EXOC4: variants seen among roughly 807,000 people sequenced by gnomAD.
EXOC4 encodes SEC8-like 1.
EXOC4 carries 71 observed loss-of-function variants against 107.2 expected under a neutral mutation model. That is an observed-to-expected ratio of 0.66 (90% CI 0.55 to 0.81). The LOEUF (loss-of-function observed/expected upper bound fraction) is 0.81. EXOC4 is among the 30% of genes least tolerant of loss of function. The pLI is 0.00. For synonymous variants in EXOC4, 456 were observed against 441.2 expected (o/e 1.03, Z -0.42); for missense variants, 1,108 against 1,189.6 (o/e 0.93, Z 1.01).
chr7:133,982,954 G>T (rs138404947), intron 14 of EXOC4, among the ~76,000 whole-genome samples: 10 of 152,270 alleles, frequency 6.6e-5, no homozygotes, highest in Non-Finnish European at 1.5e-4. Context: ...GTCTGTTCTT[G>T]CACTACTATA....
Position 134,004,907 on chromosome 7 carries a change from T to C in EXOC4, c.2349-5T>C, listed in dbSNP as rs763768596. On this transcript the variant is annotated splice_polypyrimidine_tract_variant and splice_region_variant and intron_variant, in intron 15 of 17. Transcript: ENST00000253861. The stretch of plus-strand genomic sequence containing the variant: ...AACTGCTCTCCCTATCTCTCTCTTT[T>C]TCAGGGTTCACTGTTTCCACTATCT... 3 of 1,609,628 alleles carry C rather than the reference T, an allele frequency of 1.9e-6. No individual in the cohort carries two copies. In the African/African-American group the frequency reaches 4.0e-5, roughly 22 times the overall value.
At chr7:133,731,971 G>T (rs778371638) in intron 10 of EXOC4, among the ~76,000 whole-genome samples, 1 of 152,120 alleles carries the variant, frequency 6.6e-6, no homozygotes, top group African/African-American at 2.4e-5. Context: ...AAATCATTCT[G>T]TTATAAAGAT....
At chr7:133,654,355 C>T (rs1252272303) in intron 10 of EXOC4, among the ~76,000 whole-genome samples, 1 of 152,082 alleles carries the variant, frequency 6.6e-6, no homozygotes, top group East Asian at 1.9e-4. Context: ...TCAGTTCCTT[C>T]ATCTGTAAAA....
At chr7:133,262,518 TTTTA>T (rs1309028412) in intron 1 of EXOC4, among the ~76,000 whole-genome samples, 1 of 152,210 alleles carries the variant, frequency 6.6e-6, no homozygotes, top group Admixed American at 6.5e-5. Flanking sequence ...CTTTTCTGAC[TTTTA>T]TTTATTCTTT....
chr7:133,506,336 T>C (rs1446031982), intron 9 of EXOC4, among the ~76,000 whole-genome samples: 1 of 151,924 alleles, frequency 6.6e-6, no homozygotes, highest in African/African-American at 2.4e-5. Context: ...CTAGGAAGCA[T>C]CTTCTGAGTT....
chr7:133,959,943 C>A (rs1488566694), intron 14 of EXOC4, among the ~76,000 whole-genome samples: 1 of 152,132 alleles, frequency 6.6e-6, no homozygotes, highest in African/African-American at 2.4e-5. Flanking sequence ...TCCATGCAGT[C>A]TTCCATAGAA....
chr7:133,647,797 A>C (rs1224940421), intron 10 of EXOC4, among the ~76,000 whole-genome samples: 1 of 152,166 alleles, frequency 6.6e-6, no homozygotes, highest in Non-Finnish European at 1.5e-5. Flanking sequence ...ACTCTGGATT[A>C]TCAAACAGCC....
At position 133,809,680 on chromosome 7, in the gene EXOC4, T is replaced by C. The variant is rs183191072; in HGVS notation, c.1515-7645T>C. On this transcript the variant is annotated intron_variant, in intron 10 of 17. Coordinates refer to ENST00000253861, the MANE Select transcript of EXOC4 (RefSeq NM_021807.4). ...TTCCAAGACCTCCCAAATATCTATA[T>C]TAATGTGTACGTTATTCATCCTAAA... is the stretch of plus-strand genomic sequence containing the variant. 1.2e-4 allele frequency among the ~76,000 whole-genome samples: 18 copies of C among 152,342 alleles called. 1 individual carries two copies. Among genetic ancestry groups the C allele is most frequent in the African/African-American group, 3.4e-4 (14 of 41,576 alleles).
intron 10 of EXOC4, among the ~76,000 whole-genome samples, chr7:133,787,111 T>C (rs759414308): frequency 2.2e-4 from 33 of 152,156 alleles, no homozygotes; most frequent in Non-Finnish European, 4.4e-4. Flanking sequence ...GCAATATTTA[T>C]TGAGCATTTT....
intron 10 of EXOC4, among the ~76,000 whole-genome samples, chr7:133,780,519 G>A (rs928083920): frequency 6.6e-6 from 1 of 152,108 alleles, no homozygotes; most frequent in African/African-American, 2.4e-5. Context: ...TATTGATAGA[G>A]ACGGGATCTT....
chr7:133,765,495 C>T (rs1168212508), intron 10 of EXOC4, among the ~76,000 whole-genome samples: 1 of 151,884 alleles, frequency 6.6e-6, no homozygotes, highest in East Asian at 1.9e-4. Flanking sequence ...CCAGATGTGC[C>T]CTGTTAACAT....
chr7:134,089,389 T>A, the EXOC4 span, among the ~76,000 whole-genome samples: 3 of 152,334 alleles, frequency 2.0e-5, no homozygotes, highest in East Asian at 3.9e-4. Context: ...CTCAAATACA[T>A]GTTACACTAT....
At chr7:133,695,385 T>C (rs577763259) in intron 10 of EXOC4, among the ~76,000 whole-genome samples, 1 of 152,312 alleles carries the variant, frequency 6.6e-6, no homozygotes, top group African/African-American at 2.4e-5. Flanking sequence ...GACAGACTCT[T>C]AGGTTGATTC....
chr7:133,540,951 C>T lies in EXOC4; in HGVS notation c.1417+60813C>T, dbSNP rs183168719. ...CTTCTTGCTATTTCCCCTTTTTTGA[C>T]GTTATTAACAATTTTGTTTTTTTTA... On this transcript the variant is annotated intron_variant, in intron 9 of 17. Coordinates refer to ENST00000253861, the MANE Select transcript of EXOC4 (RefSeq NM_021807.4). 1.4e-3 allele frequency among the ~76,000 whole-genome samples: 209 copies of T among 151,880 alleles called. 1 individual carries two copies. Among genetic ancestry groups the T allele is most frequent in the African/African-American group, 4.1e-3 (171 of 41,444 alleles).
At chr7:133,570,512 T>C (rs1563111627) in intron 9 of EXOC4, among the ~76,000 whole-genome samples, 1 of 152,220 alleles carries the variant, frequency 6.6e-6, no homozygotes, top group Non-Finnish European at 1.5e-5. Flanking sequence ...AAAGTGCAGA[T>C]AACCTGATCT....
intron 14 of EXOC4, among the ~76,000 whole-genome samples, chr7:133,975,274 T>G (rs187724672): frequency 6.6e-6 from 1 of 152,100 alleles, no homozygotes; most frequent in Non-Finnish European, 1.5e-5. Context: ...GACACTGATA[T>G]GGGGATAGTA....
At position 133,997,652 on chromosome 7, in the gene EXOC4, C is replaced by G; in HGVS notation, c.2348+19C>G. ...AAGTGAGGTATGATACAGCCAAGCC[C>G]AGGACCTTGCAATTTGAATGCACTG... On this transcript the variant is annotated intron_variant, in intron 15 of 17. Transcript: ENST00000253861. 6.2e-7 allele frequency: 1 copy of G among 1,608,692 alleles called. No individual in the cohort carries two copies.
At chr7:133,788,401 C>G (rs918105879) in intron 10 of EXOC4, among the ~76,000 whole-genome samples, 4 of 151,292 alleles carry the variant, frequency 2.6e-5, no homozygotes, top group African/African-American at 9.7e-5. Flanking sequence ...TTTTTTTTCC[C>G]AAAACTACTC....
intron 2 of EXOC4, among the ~76,000 whole-genome samples, chr7:133,285,336 G>A (rs1339214013): frequency 6.6e-6 from 1 of 152,134 alleles, no homozygotes; most frequent in African/African-American, 2.4e-5. Flanking sequence ...TGTAGTGGTG[G>A]AACACATTCT....
Sources: allele counts gnomAD v4.1 joint callset (sites outside exome capture counted in the v4.1 genomes callset), GRCh38; gene constraint gnomAD v4.1.1; transcripts MANE v1.5; gene names NCBI Gene and HGNC (gene_info 2026-07-23, HGNC 2026-07-21).